The following SUCLA2 variants were observed in gnomAD, a reference collection of about 807,000 sequenced individuals.
SUCLA2 encodes the protein succinate--CoA ligase [ADP-forming] subunit beta, mitochondrial.
SUCLA2 carries 30 observed loss-of-function variants against 54.8 expected under a neutral mutation model. The observed-to-expected ratio is 0.55, with a 90% confidence interval of 0.41 to 0.74. The LOEUF (loss-of-function observed/expected upper bound fraction) is 0.74. Ranked by LOEUF, SUCLA2 falls within the 30% of genes least tolerant of loss-of-function variation. The pLI is 0.00. For synonymous variants in SUCLA2, 172 were observed against 188.9 expected (o/e 0.91, Z 0.74); for missense variants, 476 against 562.9 (o/e 0.85, Z 1.56).
intron 7 of SUCLA2, 32 bp from the exon 8 acceptor site, chr13:47,954,314 C>T (rs1263830516): frequency 1.9e-6 from 3 of 1,613,766 alleles, no homozygotes; most frequent in Non-Finnish European, 2.5e-6. Context: ...GTATAAGCAA[C>T]AAACACAGAG....
At chr13:47,980,142 C>T (rs1047636186) in intron 4 of SUCLA2, among the ~76,000 whole-genome samples, 8 of 152,118 alleles carry the variant, frequency 5.3e-5, no homozygotes, top group Non-Finnish European at 1.2e-4. Flanking sequence ...ACAGGCAGGG[C>T]GCGGTGGCTC....
intron 8 of SUCLA2, among the ~76,000 whole-genome samples, chr13:47,952,086 A>C (rs937202576): frequency 4.9e-4 from 74 of 151,182 alleles, no homozygotes; most frequent in African/African-American, 1.5e-3. Flanking sequence ...AATCTGGCCT[A>C]TGCCCCCATC....
At position 47,988,895 on chromosome 13, in the gene SUCLA2, T is replaced by C; in HGVS notation, c.358A>G (p.Lys120Glu). The change falls in exon 3 of 11, where the codon AAG becomes GAG. Residue 120 changes from lysine to glutamate, a missense_variant. Physicochemically the swap from Lys to Glu is moderately conservative, Grantham distance 56. Coordinates refer to ENST00000646932, the MANE Select transcript of SUCLA2 (RefSeq NM_003850.3). ...AATGTGACTTACGAGAAAACTATCT[T>C]CACTCCTCCTTTGAGGCCACTTTCA... ...TFESGLKGGVKIVFSPEEAKA... is the reference protein window; with the variant it reads ...TFESGLKGGVEIVFSPEEAKA... 6.2e-7 allele frequency: 1 copy of C among 1,612,702 alleles called. No individual in the cohort carries two copies. Among genetic ancestry groups the C allele is most frequent in the Non-Finnish European group, 8.5e-7 (1 of 1,179,946 alleles).
intron 4 of SUCLA2, among the ~76,000 whole-genome samples, chr13:47,978,797 AC>A (rs1273216225): frequency 6.6e-6 from 1 of 152,378 alleles, no homozygotes; most frequent in East Asian, 1.9e-4. Context: ...TCCAGAATCT[AC>A]AAGGAACTTA....
intron 8 of SUCLA2, among the ~76,000 whole-genome samples, chr13:47,951,615 C>A (rs1238747132): frequency 1.3e-5 from 2 of 152,124 alleles, no homozygotes; most frequent in African/African-American, 4.8e-5. Flanking sequence ...AATAATAATT[C>A]ATCAGCAATC....
chr13:47,976,832 G>T (rs1180679748), intron 4 of SUCLA2, among the ~76,000 whole-genome samples: 1 of 152,082 alleles, frequency 6.6e-6, no homozygotes, highest in African/African-American at 2.4e-5. Flanking sequence ...TCATGTCAGT[G>T]CTCCAAAAGC....
intron 10 of SUCLA2, among the ~76,000 whole-genome samples, chr13:47,946,715 A>G (rs1373084239): frequency 6.6e-6 from 1 of 152,186 alleles, no homozygotes; most frequent in Non-Finnish European, 1.5e-5. Context: ...AAGGACAGAA[A>G]GAAATGCAGA....
At chr13:47,965,513 A>G (rs914145174) in intron 6 of SUCLA2, 11 of 387,500 alleles carry the variant, frequency 2.8e-5, no homozygotes, top group African/African-American at 2.2e-4. Flanking sequence ...AAAAACAAAC[A>G]AACAAAAAAA....
At chr13:48,001,118 C>A in intron 1 of SUCLA2, 62 bp downstream of exon 1, 1 of 1,548,028 alleles carries the variant, frequency 6.5e-7, no homozygotes, top group Non-Finnish European at 8.8e-7. Context: ...GCCACGGGAC[C>A]CCTCACACCT....
Position 47,994,608 on chromosome 13 carries a change from T to C in SUCLA2, c.271+2235A>G, listed in dbSNP as rs542897867. The stretch of plus-strand genomic sequence containing the variant: ...AAAAAAACCACGAAATTGTCCTCCA[T>C]ATTTTCATAGACGTTTCTAAATTTA... On this transcript the variant is annotated intron_variant, in intron 2 of 10. Coordinates refer to ENST00000646932, the MANE Select transcript of SUCLA2 (RefSeq NM_003850.3). Among the ~76,000 whole-genome samples the C allele has an allele frequency of 4.0e-5, 6 of 150,430 alleles. No individual in the cohort carries two copies. In the South Asian group the frequency reaches 1.3e-3, roughly 32 times the overall value.
chr13:48,001,184 G>T lies in SUCLA2; in HGVS notation c.86C>A (p.Ala29Asp), dbSNP rs1182235529. ...HRPRTAQRAA[A>D]QVLGSSGLFN... ...CAGCGGACTGGAAGGCATTACCTGA[G>T]CAGCAGCCCGCTGGGCCGTCCGAGG... Residue 29 changes from alanine to aspartate, a missense_variant, in exon 1 of 11, where the codon GCT becomes GAT. Around this residue, in one of 2 missense-constraint regions of SUCLA2, gnomAD observed 134 missense variants for 118.7 expected, o/e 1.13. Transcript: ENST00000646932. 17 of 1,609,088 alleles carry T rather than the reference G, an allele frequency of 1.1e-5. No individual in the cohort carries two copies. Among genetic ancestry groups the T allele is most frequent in the Non-Finnish European group, 1.4e-5 (17 of 1,178,362 alleles).
intron 6 of SUCLA2, among the ~76,000 whole-genome samples, chr13:47,959,901 A>G (rs1428393688): frequency 2.0e-5 from 3 of 152,210 alleles, no homozygotes; most frequent in African/African-American, 7.2e-5. Context: ...TTTCACATAC[A>G]TGCTTACATT....
chr13:47,958,765 C>A (rs718010), intron 6 of SUCLA2, among the ~76,000 whole-genome samples: 110,922 of 152,094 alleles, frequency 0.73, 41,401 homozygotes, highest in Non-Finnish European at 0.82. Context: ...CTTTAAAGTT[C>A]TTATTTCAGT....
rs147829455 is a variant in SUCLA2, at chr13:47,949,009, A to G, written c.1248T>C (p.Ala416=). The stretch of plus-strand genomic sequence containing the variant: ...GTCCACTGTCCGCTATCAGTGCCTT[A>G]GCATCATCGACTCGTGTACCTGTAA... ...VRLQGTRVDD[A]KALIADSGLK... Residue 416 remains alanine (A), a synonymous_variant, in exon 10 of 11, where the codon GCT becomes GCC. Coordinates refer to ENST00000646932, the MANE Select transcript of SUCLA2 (RefSeq NM_003850.3). 288 of 1,613,798 alleles carry G rather than the reference A, an allele frequency of 1.8e-4. 1 individual carries two copies. The highest frequency in any genetic ancestry group is 3.3e-4 in the Middle Eastern group (2 of 6,062).
chr13:47,959,507 GGA>G (rs1566083583), intron 6 of SUCLA2, among the ~76,000 whole-genome samples: 1 of 6,874 alleles, frequency 1.5e-4, no homozygotes, highest in Non-Finnish European at 4.6e-4. Flanking sequence ...AGCGGGGGGA[GGA>G]GGAGGAGGAG....
rs1949699532 is a variant in SUCLA2, at chr13:47,943,191, C to T, written c.*180G>A. The T allele has an allele frequency of 4.5e-6, 3 of 674,138 alleles. No homozygotes were observed. Among genetic ancestry groups the T allele is most frequent in the Admixed American group, 2.4e-5 (1 of 42,022 alleles). The allele number at this position is 674,138 out of a possible 1,614,324, so 41.8% of individuals were successfully genotyped here. A position where few individuals can be genotyped will look rare whatever the true frequency, so the allele number is the denominator to read the frequency against. On this transcript the variant is annotated 3_prime_UTR_variant, in exon 11 of 11. Transcript: ENST00000646932. ...ATAACTGCATTATACATGCTTCGTACAAACAGTCCATTCTGAATGGTACAA... is the reference window on the plus strand; with the variant it reads ...ATAACTGCATTATACATGCTTCGTATAAACAGTCCATTCTGAATGGTACAA...
At chr13:47,975,245 C>T (rs1279637749) in intron 4 of SUCLA2, among the ~76,000 whole-genome samples, 1 of 151,772 alleles carries the variant, frequency 6.6e-6, no homozygotes, top group African/African-American at 2.4e-5. Context: ...ACTGCAACCT[C>T]CGCCCCCCAG....
intron 2 of SUCLA2, among the ~76,000 whole-genome samples, chr13:47,996,388 T>C (rs1950191607): frequency 6.6e-6 from 1 of 151,478 alleles, no homozygotes; most frequent in Admixed American, 6.6e-5. Context: ...TCTAGCACTC[T>C]ACTTTTTGTT....
At chr13:47,958,398 CTTA>C (rs1036424689) in intron 6 of SUCLA2, among the ~76,000 whole-genome samples, 2 of 152,030 alleles carry the variant, frequency 1.3e-5, no homozygotes, top group Non-Finnish European at 2.9e-5. Flanking sequence ...TGTATGAACA[CTTA>C]TTGTTATATG....
Sources: allele counts gnomAD v4.1 joint callset (sites outside exome capture counted in the v4.1 genomes callset), GRCh38; gene constraint gnomAD v4.1.1; regional missense constraint gnomAD v4.1.1; transcripts MANE v1.5; gene names NCBI Gene and HGNC (gene_info 2026-07-23, HGNC 2026-07-21).